Variants in TTLL5 observed in about 807,000 individuals in gnomAD.
The protein encoded by TTLL5 is tubulin polyglutamylase TTLL5.
In TTLL5, 132 loss-of-function variants were observed where a neutral mutation model predicts 168.4. The ratio of observed to expected loss-of-function variants is 0.78; its 90% confidence interval spans 0.68 to 0.91. The LOEUF is 0.91. Ranked by LOEUF, TTLL5 falls within the 40% of genes least tolerant of loss-of-function variation. The pLI is 0.00. For synonymous variants in TTLL5, 546 were observed against 558.6 expected (o/e 0.98, Z 0.32); for missense variants, 1,545 against 1,581.5 (o/e 0.98, Z 0.39).
intron 27 of TTLL5, among the ~76,000 whole-genome samples, chr14:75,806,183 G>T (rs879510378): frequency 6.6e-6 from 1 of 151,850 alleles, no homozygotes; most frequent in African/African-American, 2.4e-5. Flanking sequence ...GATGCCTGCC[G>T]CCATGCCGGG....
chr14:75,682,704 G>A (rs911333981), intron 4 of TTLL5, among the ~76,000 whole-genome samples: 1 of 150,714 alleles, frequency 6.6e-6, no homozygotes, highest in Admixed American at 6.6e-5. Flanking sequence ...TGTGACAGTT[G>A]ATAAAAGTCT....
At chr14:75,665,044 G>C (rs1158952580) in intron 2 of TTLL5, among the ~76,000 whole-genome samples, 1 of 152,076 alleles carries the variant, frequency 6.6e-6, no homozygotes, top group Non-Finnish European at 1.5e-5. Context: ...ATAAATGAAG[G>C]CTTTATACTT....
At chr14:75,783,649 C>G (rs1036833481) in intron 26 of TTLL5, 119 bp downstream of exon 26, 2 of 1,347,742 alleles carry the variant, frequency 1.5e-6, no homozygotes, top group African/African-American at 2.9e-5. Context: ...TGGACACACA[C>G]TGCATTGTTC....
chr14:75,875,420 G>C (rs373061887), intron 29 of TTLL5, among the ~76,000 whole-genome samples: 3 of 150,538 alleles, frequency 2.0e-5, no homozygotes, highest in Non-Finnish European at 3.0e-5. Flanking sequence ...GTGGTGGCAC[G>C]TGCCTGTAAT....
chr14:75,757,450 C>T (rs1236683596), intron 18 of TTLL5, among the ~76,000 whole-genome samples: 2 of 152,108 alleles, frequency 1.3e-5, no homozygotes, highest in African/African-American at 2.4e-5. Flanking sequence ...CTTTAAGCTC[C>T]GGCCATGGCA....
rs775378475 is a variant in TTLL5 at position 75,863,762 on chromosome 14, C to T, written c.3422C>T (p.Pro1141Leu). 1.2e-6 allele frequency: 2 copies of T among 1,613,750 alleles called. No individual in the cohort carries two copies. The highest frequency in any genetic ancestry group is 2.2e-5 in the South Asian group (2 of 91,042). Reference protein sequence around the residue: ...TGVVPQHKYHPTAGSYQLQFA... With the variant: ...TGVVPQHKYHLTAGSYQLQFA... ...GTGGTCCCCCAGCACAAGTATCACC[C>T]CACAGCAGGCAGCTATCAGCTTCAA... Residue 1141 changes from proline to leucine, a missense_variant, in exon 29 of 32, where the codon CCC becomes CTC. By Grantham distance (98) the Pro-to-Leu change is moderately conservative (BLOSUM62 -3). Transcript: ENST00000298832.
chr14:75,735,063 T>A, intron 14 of TTLL5, 132 bp from the exon 15 acceptor site: 1 of 762,018 alleles, frequency 1.3e-6, no homozygotes, highest in Non-Finnish European at 2.2e-6. Flanking sequence ...TTGTGCATTA[T>A]GCTCCTGAGG....
At chr14:75,668,994 A>G (rs111737071) in intron 2 of TTLL5, among the ~76,000 whole-genome samples, 3 of 152,178 alleles carry the variant, frequency 2.0e-5, no homozygotes, top group Admixed American at 6.5e-5. Flanking sequence ...CAAGGTCACA[A>G]AATGGTTGTT....
At chr14:75,810,226 T>C (rs1893911522) in intron 27 of TTLL5, among the ~76,000 whole-genome samples, 1 of 152,196 alleles carries the variant, frequency 6.6e-6, no homozygotes, top group Non-Finnish European at 1.5e-5. Flanking sequence ...ATCTAAAATT[T>C]TTCTGGACCT....
Position 75,902,139 on chromosome 14 carries a change from C to T in TTLL5, c.3741-3C>T. On this transcript the variant is annotated splice_polypyrimidine_tract_variant and splice_region_variant and intron_variant, in intron 30 of 31. Transcript: ENST00000298832. ...GGTCTGACCAAGCTCCTTTGTGTTT[C>T]AGAGGGTCCTCCGCGGAAGGGCAGC... The T allele has an allele frequency of 6.2e-7, 1 of 1,614,150 alleles. No homozygotes were observed. The highest frequency in any genetic ancestry group is 8.5e-7 in the Non-Finnish European group (1 of 1,180,010).
At chr14:75,733,031 C>T (rs540955307) in intron 13 of TTLL5, among the ~76,000 whole-genome samples, 10 of 152,320 alleles carry the variant, frequency 6.6e-5, no homozygotes, top group African/African-American at 1.9e-4. Context: ...AAACTGAGAA[C>T]TCTAGAGATT....
At position 75,720,834 on chromosome 14, in the gene TTLL5, C is replaced by A; in HGVS notation, c.1042+131C>A. On this transcript the variant is annotated intron_variant, in intron 12 of 31. Transcript: ENST00000298832. ...TGTGATGGACTCTTCTTTCTAAGCT[C>A]ATGTAGCATATGAAGAGCCTACTAA... The A allele has an allele frequency of 4.0e-6, 3 of 755,016 alleles. No individual in the cohort carries two copies. The South Asian group carries it at 4.9e-5, about 12-fold the overall frequency. The allele number at this position is 755,016 out of a possible 1,614,324, so 46.8% of individuals were successfully genotyped here.
intron 31 of TTLL5, 82 bp from the exon 32 acceptor site, chr14:75,954,342 A>G (rs1209678690): frequency 1.4e-6 from 2 of 1,421,156 alleles, no homozygotes; most frequent in East Asian, 2.3e-5. Context: ...CAGTGATGTT[A>G]GATAAACCAG....
At chr14:75,930,537 T>G in intron 31 of TTLL5, 1 of 925,208 alleles carries the variant, frequency 1.1e-6, no homozygotes. Context: ...TCACAAGCAT[T>G]TTGAATAAAG....
intron 28 of TTLL5, among the ~76,000 whole-genome samples, chr14:75,827,855 C>G (rs1353339078): frequency 6.6e-6 from 1 of 151,058 alleles, no homozygotes; most frequent in Admixed American, 6.6e-5. Context: ...GTAGCTGGGA[C>G]TACATGTGTG....
chr14:75,700,065 A>G (rs763943836), intron 7 of TTLL5, among the ~76,000 whole-genome samples: 4 of 152,176 alleles, frequency 2.6e-5, no homozygotes, highest in Non-Finnish European at 5.9e-5. Context: ...TTCAGTAACT[A>G]TGATTCAGTT....
At chr14:75,744,319 T>C (rs1889463815) in intron 15 of TTLL5, 1 of 152,380 alleles carries the variant, frequency 6.6e-6, no homozygotes, top group Non-Finnish European at 1.5e-5. Flanking sequence ...CTTCCTTTTT[T>C]ACCTTCCTAT....
At chr14:75,734,179 T>C (rs1213203152) in intron 14 of TTLL5, 129 bp downstream of exon 14, 2 of 831,254 alleles carry the variant, frequency 2.4e-6, no homozygotes, top group Non-Finnish European at 3.9e-6. Context: ...TAAAAAATTA[T>C]ATTTTCAGGG....
intron 9 of TTLL5, 109 bp downstream of exon 9, chr14:75,707,816 T>G: frequency 1.1e-6 from 1 of 929,640 alleles, no homozygotes. Context: ...TATTTTTACT[T>G]GTCATTACTG....
Sources: allele counts gnomAD v4.1 joint callset (sites outside exome capture counted in the v4.1 genomes callset), GRCh38; gene constraint gnomAD v4.1.1; transcripts MANE v1.5; gene names NCBI Gene and HGNC (gene_info 2026-07-23, HGNC 2026-07-21).